Variants in VWF observed in about 807,000 individuals in gnomAD.
The protein encoded by VWF is von Willebrand factor.
Under a neutral mutation model 308.6 loss-of-function variants are expected in VWF, and 176 were observed. The observed-to-expected ratio is 0.57, with a 90% confidence interval of 0.50 to 0.65. The LOEUF is 0.65. Ranked by LOEUF, VWF falls within the 30% of genes least tolerant of loss-of-function variation. The pLI is 0.00. For missense variants in VWF, 3,146 were observed against 3,648.2 expected, an observed-to-expected ratio of 0.86 and a Z score of 3.55; for synonymous variants, 1,385 against 1,443.4, an observed-to-expected ratio of 0.96 and a Z score of 0.92.
chr12:6,112,357 G>C (rs897428309), intron 3 of VWF, among the ~76,000 whole-genome samples: 2 of 152,108 alleles, frequency 1.3e-5, no homozygotes, highest in African/African-American at 4.8e-5. Context: ...TGCTACTCGT[G>C]GTGGGTCTTT....
At chr12:6,030,073 T>C (rs1200750807) in intron 21 of VWF, among the ~76,000 whole-genome samples, 1 of 152,182 alleles carries the variant, frequency 6.6e-6, no homozygotes, top group East Asian at 1.9e-4. Context: ...GCCCAATCCC[T>C]GCCAGTGCTG....
In VWF at chr12:5,976,234, G is replaced by A; in HGVS notation, c.7314C>T (p.Tyr2438=). The change falls in exon 43 of 52, where the codon TAC becomes TAT. Residue 2438 remains tyrosine, a synonymous_variant. Coordinates refer to ENST00000261405, the MANE Select transcript of VWF (RefSeq NM_000552.5). ...CCTCCTCCCAGAACTGGCCCACAGG[G>A]TAGATGGTGCTTCGGTGGACACACA... is the stretch of plus-strand genomic sequence containing the variant. ...DKVCVHRSTI[Y]PVGQFWEEGC... is the part of the protein sequence containing the mutation. 1.9e-6 allele frequency: 3 copies of A among 1,614,170 alleles called. No homozygotes were observed. The highest frequency in any genetic ancestry group is 2.7e-5 in the African/African-American group (2 of 75,060).
At chr12:5,985,148 A>T in intron 39 of VWF, 29 bp from the exon 40 acceptor site, 1 of 1,607,700 alleles carries the variant, frequency 6.2e-7, no homozygotes, top group Non-Finnish European at 8.5e-7. Flanking sequence ...CACAAAAGTC[A>T]GAGAAATTAG....
Position 5,983,224 on chromosome 12 carries a change from G to A in VWF, c.7007C>T (p.Pro2336Leu), listed in dbSNP as rs144769404. The part of the protein sequence containing the change: ...VCDPVSCDLP[P>L]VPHCERGLQP... Reference sequence around the variant, plus strand: ...GAGGCCACGTTCACAGTGAGGCACTGGGGGCAGGTCACAGCTCACTGGGTC... The same window carrying A: ...GAGGCCACGTTCACAGTGAGGCACTAGGGGCAGGTCACAGCTCACTGGGTC... Residue 2336 changes from proline to leucine, a missense_variant, in exon 41 of 52, where the codon CCA becomes CTA. Coordinates refer to ENST00000261405, the MANE Select transcript of VWF (RefSeq NM_000552.5). The A allele has an allele frequency of 2.0e-4, 318 of 1,613,886 alleles. No individual in the cohort carries two copies. Among genetic ancestry groups the A allele is most frequent in the Non-Finnish European group, 2.6e-4 (302 of 1,179,968 alleles).
intron 20 of VWF, 57 bp from the exon 21 acceptor site, chr12:6,031,635 CAGA>C: frequency 1.9e-6 from 3 of 1,612,856 alleles, no homozygotes; most frequent in Non-Finnish European, 2.5e-6. Flanking sequence ...CTCACCAGAC[CAGA>C]AGATTGGCAT....
intron 34 of VWF, among the ~76,000 whole-genome samples, chr12:6,009,445 A>T (rs1462494496): frequency 6.6e-6 from 1 of 151,778 alleles, no homozygotes; most frequent in African/African-American, 2.4e-5. Context: ...ACACACACAC[A>T]CACACACACA....
intron 10 of VWF, among the ~76,000 whole-genome samples, chr12:6,066,756 T>C (rs1175119457): frequency 1.3e-5 from 2 of 152,214 alleles, no homozygotes; most frequent in African/African-American, 4.8e-5. Context: ...ACAGAGAGAT[T>C]CTAGCTTGTC....
At chr12:6,084,370 C>T (rs151016337) in intron 6 of VWF, among the ~76,000 whole-genome samples, 68 of 152,294 alleles carry the variant, frequency 4.5e-4, no homozygotes, top group African/African-American at 1.6e-3. Flanking sequence ...CTCCTGTCGG[C>T]CGTGCCAGGA....
rs377243136 is a variant in VWF, at chr12:6,123,125, G to A, written c.55+17C>T. The A allele has an allele frequency of 1.5e-5, 25 of 1,614,156 alleles. 1 individual carries two copies. The African/African-American group carries it at 2.3e-4, about 15-fold the overall frequency. On this transcript the variant is annotated intron_variant, in intron 2 of 51. Transcript: ENST00000261405. ...CCCTGGGGCAGGAATGAGAAATGGAGGCCCTTTTGTACCTACCTGGCAAAA... is the reference window on the plus strand; with the variant it reads ...CCCTGGGGCAGGAATGAGAAATGGAAGCCCTTTTGTACCTACCTGGCAAAA...
intron 34 of VWF, among the ~76,000 whole-genome samples, chr12:6,008,646 C>G (rs182496828): frequency 1.9e-4 from 29 of 152,260 alleles, no homozygotes; most frequent in Admixed American, 1.3e-3. Context: ...TTCTATTCAA[C>G]ATAGTACGAG....
At chr12:5,995,484 C>A (rs555177642) in intron 35 of VWF, among the ~76,000 whole-genome samples, 3 of 152,198 alleles carry the variant, frequency 2.0e-5, no homozygotes, top group African/African-American at 4.8e-5. Context: ...GATTTCTACA[C>A]GAACAAGTAA....
intron 2 of VWF, chr12:6,122,698 G>A: frequency 1.9e-6 from 1 of 515,170 alleles, no homozygotes; most frequent in Non-Finnish European, 3.9e-6. Context: ...TGGAAAGGGT[G>A]TTGGCCTGGA....
intron 44 of VWF, among the ~76,000 whole-genome samples, 182 bp from the exon 45 acceptor site, chr12:5,969,573 C>T (rs1048182564): frequency 2.0e-5 from 3 of 152,238 alleles, no homozygotes; most frequent in African/African-American, 7.2e-5. Context: ...GTGAGCACCA[C>T]TCAAACAGTT....
At chr12:5,968,782 C>T (rs1379492175) in intron 45 of VWF, among the ~76,000 whole-genome samples, 7 of 152,162 alleles carry the variant, frequency 4.6e-5, no homozygotes, top group African/African-American at 1.4e-4. Flanking sequence ...CCAGAGATAG[C>T]GCCAGTCACT....
chr12:6,070,478 C>G (rs1475273571), intron 10 of VWF, among the ~76,000 whole-genome samples: 5 of 152,220 alleles, frequency 3.3e-5, no homozygotes, highest in Admixed American at 6.5e-5. Flanking sequence ...TGAGTTCAAG[C>G]CCTGGCTCTG....
At chr12:5,964,642 T>G (rs1943378282) in intron 47 of VWF, among the ~76,000 whole-genome samples, 1 of 152,152 alleles carries the variant, frequency 6.6e-6, no homozygotes, top group Non-Finnish European at 1.5e-5. Context: ...TAGGAGTCAG[T>G]AAGCTTGCTC....
At chr12:5,950,282 T>C (rs1943170571) in intron 50 of VWF, among the ~76,000 whole-genome samples, 1 of 152,116 alleles carries the variant, frequency 6.6e-6, no homozygotes, top group Non-Finnish European at 1.5e-5. Flanking sequence ...ATAATTACTA[T>C]CTCTTCATTC....
At chr12:5,982,221 G>C (rs1943614607) in intron 41 of VWF, among the ~76,000 whole-genome samples, 1 of 152,162 alleles carries the variant, frequency 6.6e-6, no homozygotes, top group African/African-American at 2.4e-5. Flanking sequence ...CTCTAATGGA[G>C]GAGAAGTGAA....
chr12:6,048,164 T>C (rs146972174), intron 16 of VWF, among the ~76,000 whole-genome samples: 117 of 152,308 alleles, frequency 7.7e-4, no homozygotes, highest in African/African-American at 2.8e-3. Context: ...TTTATTCAGT[T>C]TTGTTTTGCT....
Sources: gnomAD v4.1 joint callset for allele counts (sites outside exome capture counted in the v4.1 genomes callset) on GRCh38, gnomAD v4.1.1 for gene constraint, MANE v1.5 for transcripts, NCBI Gene and HGNC (gene_info 2026-07-23, HGNC 2026-07-21) for gene names.